TBC1D8: variants seen among roughly 807,000 people sequenced by gnomAD.
The protein encoded by TBC1D8 is TBC1 domain family member 8, also known as BUB2-like protein 1.
TBC1D8 carries 65 observed loss-of-function variants against 118.8 expected under a neutral mutation model. The ratio of observed to expected loss-of-function variants is 0.55; its 90% confidence interval spans 0.45 to 0.67. The LOEUF (loss-of-function observed/expected upper bound fraction) is 0.67, where lower values mean the gene tolerates loss of function less well. Ranked by LOEUF, TBC1D8 falls within the 30% of genes least tolerant of loss-of-function variation. The pLI is 0.00. For synonymous variants in TBC1D8, 566 were observed against 595.8 expected (o/e 0.95, Z 0.73); for missense variants, 1,376 against 1,471.2 (o/e 0.94, Z 1.06).
intron 15 of TBC1D8, among the ~76,000 whole-genome samples, chr2:101,024,682 C>T (rs1680234612): frequency 1.3e-5 from 2 of 152,108 alleles, no homozygotes; most frequent in African/African-American, 4.8e-5. Context: ...GCTGGGATTA[C>T]AGACATAAGC....
Position 101,054,229 on chromosome 2 carries a change from C to G in TBC1D8, c.510G>C (p.Glu170Asp), listed in dbSNP as rs1005998201. 1.6e-5 allele frequency: 26 copies of G among 1,610,060 alleles called. No individual in the cohort carries two copies. The highest frequency in any genetic ancestry group is 1.5e-5 in the Non-Finnish European group (18 of 1,178,320). Residue 170 changes from glutamate to aspartate, a missense_variant, in exon 4 of 20, where the codon GAG becomes GAC. Glu to Asp is a conservative substitution (Grantham distance 45, BLOSUM62 2). Coordinates refer to ENST00000409318, the MANE Select transcript of TBC1D8 (RefSeq NM_001330348.2). ...VKFEARFNFP[E>D]AEKLVTYYSC... ...AGTAGTAGGTGACCAGCTTCTCCGC[C>G]TCGGGGAAGTTGAACCTGGCCTCGA...
rs1217897142 is a variant in TBC1D8, at chr2:101,096,418, A to AC, written c.128-6055dup. On this transcript the variant is annotated intron_variant, in intron 1 of 19. Transcript: ENST00000409318. ...CCCAAAATATTATGTCTGGCTTTTG[A>AC]CAAAAAAAAAAAAAAAAAAAAAAAA... 1.1e-4 allele frequency among the ~76,000 whole-genome samples: 13 copies of AC among 119,046 alleles called. No homozygotes were observed. The East Asian group carries it at 2.8e-3, about 25-fold the overall frequency. 78.1% of individuals were successfully genotyped at this position (119,046 alleles called of 152,430 possible). A position where few individuals can be genotyped will look rare whatever the true frequency, so the allele number is the denominator to read the frequency against.
At chr2:101,088,734 C>T (rs894298220) in intron 2 of TBC1D8, among the ~76,000 whole-genome samples, 1 of 152,106 alleles carries the variant, frequency 6.6e-6, no homozygotes, top group African/African-American at 2.4e-5. Flanking sequence ...CCACGCCCAG[C>T]TAATTTTTAA....
At chr2:101,126,363 C>T (rs1249488092) in intron 1 of TBC1D8, among the ~76,000 whole-genome samples, 2 of 152,154 alleles carry the variant, frequency 1.3e-5, no homozygotes, top group Non-Finnish European at 2.9e-5. Context: ...CCACACAAAC[C>T]ATATCCGAAC....
intron 5 of TBC1D8, among the ~76,000 whole-genome samples, chr2:101,046,311 C>T (rs1169347960): frequency 6.6e-6 from 1 of 152,338 alleles, no homozygotes; most frequent in Admixed American, 6.5e-5. Flanking sequence ...GGAAATCCGT[C>T]TGCACTGAGC....
intron 2 of TBC1D8, among the ~76,000 whole-genome samples, chr2:101,083,145 T>G (rs946911030): frequency 6.6e-6 from 1 of 152,118 alleles, no homozygotes; most frequent in Non-Finnish European, 1.5e-5. Flanking sequence ...AAGTCTTAAC[T>G]GCTGAGACTC....
At chr2:101,071,682 ATT>A (rs2105437017) in intron 2 of TBC1D8, among the ~76,000 whole-genome samples, 1 of 152,318 alleles carries the variant, frequency 6.6e-6, no homozygotes, top group Non-Finnish European at 1.5e-5. Context: ...ATTTTAAATA[ATT>A]TACTATTGTA....
At chr2:101,043,467 G>A (rs1472997959) in intron 5 of TBC1D8, among the ~76,000 whole-genome samples, 1 of 152,172 alleles carries the variant, frequency 6.6e-6, no homozygotes, top group Non-Finnish European at 1.5e-5. Flanking sequence ...AGTCGCCAGT[G>A]AGTTCACCTG....
intron 1 of TBC1D8, among the ~76,000 whole-genome samples, chr2:101,118,753 C>A (rs969816646): frequency 1.3e-5 from 2 of 151,922 alleles, no homozygotes; most frequent in African/African-American, 4.8e-5. Flanking sequence ...GCCTGTAATC[C>A]CAGCACTCTG....
At chr2:101,147,424 A>G (rs1478664948) in intron 1 of TBC1D8, among the ~76,000 whole-genome samples, 1 of 152,128 alleles carries the variant, frequency 6.6e-6, no homozygotes, top group African/African-American at 2.4e-5. Context: ...TTAACTTACA[A>G]TCCTACCAAG....
chr2:101,021,817 G>T, intron 16 of TBC1D8, 71 bp from the exon 17 acceptor site: 1 of 1,008,658 alleles, frequency 9.9e-7, no homozygotes. Context: ...CAAACTCACT[G>T]TGGAGAGAAC....
chr2:101,010,848 C>G (rs1196468419), intron 19 of TBC1D8, 81 bp downstream of exon 19: 2 of 1,245,442 alleles, frequency 1.6e-6, no homozygotes, highest in African/African-American at 3.0e-5. Flanking sequence ...CGCCACTGTA[C>G]TCCAGCCTGG....
chr2:101,008,022 T>C lies in TBC1D8; in HGVS notation c.3267A>G (p.Pro1089=), dbSNP rs369632573. 6.3e-5 allele frequency: 102 copies of C among 1,613,892 alleles called. No individual in the cohort carries two copies. Among genetic ancestry groups the C allele is most frequent in the Non-Finnish European group, 8.2e-5 (97 of 1,179,896 alleles). ...CAGTCCAGTCCCTTTCTGCCGCCTC[T>C]GGAAATGCCTGGGAGTCCTGGGGCG... ...GKTPQDSQAF[P]EAAERDWTVS... The change falls in exon 20 of 20, where the codon CCA becomes CCG. Residue 1089 remains proline, a synonymous_variant. Coordinates refer to ENST00000409318, the MANE Select transcript of TBC1D8 (RefSeq NM_001330348.2).
chr2:101,094,631 G>C (rs1676271112), intron 1 of TBC1D8, among the ~76,000 whole-genome samples: 4 of 151,984 alleles, frequency 2.6e-5, no homozygotes, highest in African/African-American at 4.8e-5. Context: ...GGAAAGAGTG[G>C]AAATTTTTCT....
intron 1 of TBC1D8, among the ~76,000 whole-genome samples, chr2:101,139,882 A>ATC (rs1266677763): frequency 6.6e-6 from 1 of 152,096 alleles, no homozygotes; most frequent in Non-Finnish European, 1.5e-5. Flanking sequence ...TTGATAACTC[A>ATC]GTGTTTCGTG....
chr2:101,046,670 A>G (rs1681724540), intron 5 of TBC1D8, among the ~76,000 whole-genome samples: 1 of 152,048 alleles, frequency 6.6e-6, no homozygotes, highest in Admixed American at 6.6e-5. Context: ...GAAGAGCAGG[A>G]AAAGGGAGAG....
At chr2:101,035,230 C>A (rs1680933593) in intron 9 of TBC1D8, among the ~76,000 whole-genome samples, 1 of 152,122 alleles carries the variant, frequency 6.6e-6, no homozygotes, top group Non-Finnish European at 1.5e-5. Flanking sequence ...CTCACCTGGC[C>A]TCCCACAGCA....
At chr2:101,119,643 T>G (rs1360869981) in intron 1 of TBC1D8, among the ~76,000 whole-genome samples, 1 of 152,252 alleles carries the variant, frequency 6.6e-6, no homozygotes, top group African/African-American at 2.4e-5. Context: ...GGATCCTCCA[T>G]GACTCACTGT....
chr2:101,015,086 C>T (rs1257516498), intron 17 of TBC1D8, among the ~76,000 whole-genome samples: 1 of 152,172 alleles, frequency 6.6e-6, no homozygotes, highest in Non-Finnish European at 1.5e-5. Context: ...ATGCTGTAGC[C>T]TACTACACAC....
Sources: allele counts gnomAD v4.1 joint callset (sites outside exome capture counted in the v4.1 genomes callset), GRCh38; gene constraint gnomAD v4.1.1; transcripts MANE v1.5; gene names NCBI Gene and HGNC (gene_info 2026-07-23, HGNC 2026-07-21).